Variants in LPCAT2 observed in about 807,000 individuals in gnomAD.
LPCAT2 encodes the protein 1-AGP acyltransferase 11.
A neutral mutation model predicts 64.7 loss-of-function variants in LPCAT2; 58 were observed. The ratio of observed to expected loss-of-function variants is 0.90; its 90% confidence interval spans 0.73 to 1.12. The LOEUF (loss-of-function observed/expected upper bound fraction) is 1.12, where lower values mean the gene tolerates loss of function less well. Among genes scored for constraint, LPCAT2 ranks in the 50% most tolerant of loss-of-function variants. The pLI is 0.00. For synonymous variants in LPCAT2, 252 were observed against 245.3 expected, an observed-to-expected ratio of 1.03 and a Z score of -0.26; for missense variants, 579 against 669.8, an observed-to-expected ratio of 0.86 and a Z score of 1.50.
intron 2 of LPCAT2, among the ~76,000 whole-genome samples, chr16:55,528,075 T>C (rs1963197711): frequency 6.6e-6 from 1 of 152,204 alleles, no homozygotes; most frequent in African/African-American, 2.4e-5. Context: ...TACCCTTGGG[T>C]GAATTAACTT....
intron 2 of LPCAT2, among the ~76,000 whole-genome samples, chr16:55,528,117 G>T (rs1367661291): frequency 2.0e-5 from 3 of 152,144 alleles, no homozygotes; most frequent in African/African-American, 7.2e-5. Context: ...TCTATAAAAT[G>T]GGAGTAATAA....
In LPCAT2 at chr16:55,574,530, T is replaced by G. The variant is rs1963805210; in HGVS notation, c.1216-101T>G. On this transcript the variant is annotated intron_variant, in intron 11 of 13. Coordinates refer to ENST00000262134, the MANE Select transcript of LPCAT2 (RefSeq NM_017839.5). ...AGACTTTTCTCCAAATAGTGAATGATGAGGTTGAGCTATAAGACATACCTG... is the reference window on the plus strand; with the variant it reads ...AGACTTTTCTCCAAATAGTGAATGAGGAGGTTGAGCTATAAGACATACCTG... 11 of 775,596 alleles carry G rather than the reference T, an allele frequency of 1.4e-5. No individual in the cohort carries two copies. In the South Asian group the frequency reaches 1.6e-4, roughly 12 times the overall value. The allele number at this position is 775,596 out of a possible 1,614,324, so 48.0% of individuals were successfully genotyped here.
intron 1 of LPCAT2, among the ~76,000 whole-genome samples, chr16:55,517,747 A>G (rs77533216): frequency 0.055 from 8,445 of 152,278 alleles, 275 homozygotes; most frequent in Middle Eastern, 0.11. Flanking sequence ...ATAGACACAG[A>G]AAAACGATTT....
At chr16:55,561,875 G>C (rs1963640174) in intron 11 of LPCAT2, among the ~76,000 whole-genome samples, 1 of 151,942 alleles carries the variant, frequency 6.6e-6, no homozygotes, top group Non-Finnish European at 1.5e-5. Flanking sequence ...AATAAAATCA[G>C]TTGTTGGAAA....
chr16:55,542,080 T>C (rs903047985), intron 8 of LPCAT2: 3 of 751,380 alleles, frequency 4.0e-6, no homozygotes, highest in African/African-American at 1.9e-5. Flanking sequence ...GTGCTTGATG[T>C]AGTCAAGAAA....
intron 9 of LPCAT2, among the ~76,000 whole-genome samples, 176 bp from the exon 10 acceptor site, chr16:55,549,101 T>C (rs963502928): frequency 3.9e-5 from 6 of 152,162 alleles, no homozygotes; most frequent in Non-Finnish European, 7.4e-5. Flanking sequence ...CCTTAGTAAG[T>C]CTGTGAAGAA....
intron 13 of LPCAT2, among the ~76,000 whole-genome samples, chr16:55,582,393 G>A (rs1963896897): frequency 6.6e-6 from 1 of 151,998 alleles, no homozygotes; most frequent in African/African-American, 2.4e-5. Context: ...CTAAGTTTTT[G>A]GGCTTTATAT....
At chr16:55,564,197 T>C (rs1481094967) in intron 11 of LPCAT2, among the ~76,000 whole-genome samples, 1 of 151,918 alleles carries the variant, frequency 6.6e-6, no homozygotes, top group Non-Finnish European at 1.5e-5. Flanking sequence ...CTGAAAGAAA[T>C]TGAAGAAGAG....
At chr16:55,549,948 G>A (rs1037925238) in intron 10 of LPCAT2, among the ~76,000 whole-genome samples, 1 of 151,986 alleles carries the variant, frequency 6.6e-6, no homozygotes, top group Non-Finnish European at 1.5e-5. Context: ...CGCTATAAAA[G>A]GTGTAACCCT....
rs1405557127 is a variant in LPCAT2, at chr16:55,531,936, C to T, written c.665C>T (p.Thr222Ile). Residue 222 changes from threonine (T) to isoleucine (I), a missense_variant, in exon 5 of 14, where the codon ACT becomes ATT. Physicochemically the swap from Thr to Ile is moderately conservative, Grantham distance 89 (BLOSUM62 -1). Transcript: ENST00000262134. ...WPQILVFPEG[T>I]CTNRSCLITF... ...AAGATACTAGTTTTCCCAGAAGGTA[C>T]TTGTACTAATCGTTCCTGTTTGATT... is the stretch of plus-strand genomic sequence containing the variant. 1 of 1,590,640 alleles carries T rather than the reference C, an allele frequency of 6.3e-7. No homozygotes were observed. The highest frequency in any genetic ancestry group is 8.6e-7 in the Non-Finnish European group (1 of 1,159,566).
intron 1 of LPCAT2, among the ~76,000 whole-genome samples, chr16:55,514,814 A>G (rs1431899318): frequency 6.6e-6 from 1 of 152,150 alleles, no homozygotes; most frequent in Non-Finnish European, 1.5e-5. Context: ...ACTAAAGGAA[A>G]CCATGTTTAA....
intron 1 of LPCAT2, among the ~76,000 whole-genome samples, chr16:55,524,897 T>G (rs2142396669): frequency 6.6e-6 from 1 of 152,198 alleles, no homozygotes; most frequent in Non-Finnish European, 1.5e-5. Context: ...AATAAGTTAC[T>G]ACACGCCAAG....
chr16:55,530,498 G>C lies in LPCAT2; in HGVS notation c.642+551G>C, dbSNP rs115450970. Among the ~76,000 whole-genome samples the C allele has an allele frequency of 5.4e-3, 813 of 150,824 alleles. 9 individuals carry two copies. Among genetic ancestry groups the C allele is most frequent in the African/African-American group, 0.019 (776 of 40,968 alleles). ...CTTCCCTGGAATGCGGGGGTGGGGG[G>C]GGGGTAACATTTACTGCAAAATAAG... On this transcript the variant is annotated intron_variant, in intron 4 of 13. Coordinates refer to ENST00000262134, the MANE Select transcript of LPCAT2 (RefSeq NM_017839.5).
chr16:55,565,970 A>G (rs1024027328), intron 11 of LPCAT2, among the ~76,000 whole-genome samples: 11 of 152,196 alleles, frequency 7.2e-5, no homozygotes, highest in African/African-American at 2.7e-4. Context: ...AAATAAATCT[A>G]TGGTGTTAGA....
Position 55,585,238 on chromosome 16 carries a change from CAT to C in LPCAT2, c.*2143_*2144del, listed in dbSNP as rs1285002100. On this transcript the variant is annotated 3_prime_UTR_variant, in exon 14 of 14. Coordinates refer to ENST00000262134, the MANE Select transcript of LPCAT2 (RefSeq NM_017839.5). ...CAAATGTAATATACCCTTTTAATAT[CAT>C]ATGTTTACATATTTATGAATGATTA... is the stretch of plus-strand genomic sequence containing the variant. 8.5e-5 allele frequency: 13 copies of C among 152,230 alleles called. No individual in the cohort carries two copies. Among genetic ancestry groups the C allele is most frequent in the African/African-American group, 1.7e-4 (7 of 41,562 alleles). 9.4% of individuals were successfully genotyped at this position (152,230 alleles called of 1,614,324 possible). A position where few individuals can be genotyped will look rare whatever the true frequency, so the allele number is the denominator to read the frequency against.
chr16:55,564,988 TCAA>T (rs1344265482), intron 11 of LPCAT2, among the ~76,000 whole-genome samples: 1 of 151,906 alleles, frequency 6.6e-6, no homozygotes, highest in East Asian at 1.9e-4. Flanking sequence ...CTCCTGCAAC[TCAA>T]CAACAAGAAA....
intron 11 of LPCAT2, among the ~76,000 whole-genome samples, chr16:55,554,440 A>G (rs1963552477): frequency 6.6e-6 from 1 of 152,200 alleles, no homozygotes; most frequent in Non-Finnish European, 1.5e-5. Context: ...AACCTCTGCT[A>G]GCTTCAATCT....
At chr16:55,537,431 G>T in intron 7 of LPCAT2, 147 bp from the exon 8 acceptor site, 1 of 537,898 alleles carries the variant, frequency 1.9e-6, no homozygotes, top group Non-Finnish European at 3.3e-6. Context: ...CCCAAAAAGT[G>T]TTATAGCTGC....
intron 11 of LPCAT2, among the ~76,000 whole-genome samples, chr16:55,558,989 T>C (rs1963606231): frequency 6.6e-6 from 1 of 152,176 alleles, no homozygotes; most frequent in African/African-American, 2.4e-5. Flanking sequence ...CTCTTTATTA[T>C]TGACTAATCT....
Sources: gnomAD v4.1 joint callset for allele counts (sites outside exome capture counted in the v4.1 genomes callset) on GRCh38, gnomAD v4.1.1 for gene constraint, MANE v1.5 for transcripts, NCBI Gene and HGNC (gene_info 2026-07-23, HGNC 2026-07-21) for gene names.